GPM6A: variants seen among roughly 807,000 people sequenced by gnomAD.
GPM6A encodes neuronal membrane glycoprotein M6-a.
GPM6A carries 7 observed loss-of-function variants against 32.1 expected under a neutral mutation model. That is an observed-to-expected ratio of 0.22 (90% CI 0.12 to 0.41). The LOEUF (loss-of-function observed/expected upper bound fraction) is 0.41, where lower values mean the gene tolerates loss of function less well. Ranked by LOEUF, GPM6A falls within the 10% of genes least tolerant of loss-of-function variation. GPM6A has a pLI of 1.00. For synonymous variants in GPM6A, 130 were observed against 123.4 expected, an observed-to-expected ratio of 1.05 and a Z score of -0.35; for missense variants, 235 against 347.2, an observed-to-expected ratio of 0.68 and a Z score of 2.57.
intron 1 of GPM6A, among the ~76,000 whole-genome samples, chr4:175,864,801 T>C (rs1736680160): frequency 6.6e-6 from 1 of 152,048 alleles, no homozygotes; most frequent in Non-Finnish European, 1.5e-5. Context: ...TTTTCATTTT[T>C]TTATTTCATT....
chr4:175,994,768 C>T (rs1351907241), intron 1 of GPM6A, among the ~76,000 whole-genome samples: 2 of 152,166 alleles, frequency 1.3e-5, no homozygotes, highest in African/African-American at 2.4e-5. Flanking sequence ...TCAACTGACT[C>T]TTCCTTTCAT....
chr4:175,799,221 C>T (rs973752616), intron 1 of GPM6A, among the ~76,000 whole-genome samples: 11 of 152,200 alleles, frequency 7.2e-5, no homozygotes, highest in African/African-American at 2.7e-4. Flanking sequence ...GAGCTCCAGT[C>T]AGCTGCCTTT....
At chr4:175,952,752 A>G (rs892559974) in intron 1 of GPM6A, among the ~76,000 whole-genome samples, 2 of 152,150 alleles carry the variant, frequency 1.3e-5, no homozygotes, top group African/African-American at 4.8e-5. Flanking sequence ...GCCCAAAGAA[A>G]GCAGAAATCC....
At chr4:175,899,336 G>T (rs1268763254) in intron 1 of GPM6A, among the ~76,000 whole-genome samples, 1 of 152,008 alleles carries the variant, frequency 6.6e-6, no homozygotes, top group Admixed American at 6.6e-5. Context: ...CTTTGAAGAG[G>T]CACTTCACAA....
chr4:175,691,635 T>A (rs776912279), intron 2 of GPM6A, among the ~76,000 whole-genome samples: 13 of 152,216 alleles, frequency 8.5e-5, no homozygotes, highest in Non-Finnish European at 1.6e-4. Flanking sequence ...CTTGAAGATA[T>A]CATGATCGAT....
At position 175,725,242 on chromosome 4, in the gene GPM6A, G is replaced by A. The variant is rs538041067; in HGVS notation, c.38-23475C>T. Among the ~76,000 whole-genome samples the A allele has an allele frequency of 8.6e-5, 13 of 151,460 alleles. No homozygotes were observed. In the South Asian group the frequency reaches 2.7e-3, roughly 32 times the overall value. On this transcript the variant is annotated intron_variant, in intron 1 of 6. Coordinates refer to ENST00000393658, the MANE Select transcript of GPM6A (RefSeq NM_201591.3). ...AACAAATATAAGCTCTTATTATTAG[G>A]CCCAAAAGAATAGAGCTATATTGTC...
intron 1 of GPM6A, among the ~76,000 whole-genome samples, chr4:175,993,142 C>T (rs112013330): frequency 0.031 from 4,621 of 148,614 alleles, 107 homozygotes; most frequent in Middle Eastern, 0.052. Context: ...CTGTTTCCCT[C>T]CCCTCTCTCC....
chr4:175,697,979 T>TCA (rs1281575079), intron 2 of GPM6A, among the ~76,000 whole-genome samples: 1 of 152,184 alleles, frequency 6.6e-6, no homozygotes. Context: ...AACCGAATAG[T>TCA]CACACGTCAT....
intron 1 of GPM6A, chr4:175,788,201 GAC>G (rs1579501275): frequency 1.3e-5 from 2 of 152,118 alleles, no homozygotes; most frequent in African/African-American, 4.8e-5. Context: ...GGAAGAGCAA[GAC>G]AGAGAAGAGA....
chr4:175,667,496 G>A (rs931729576), intron 3 of GPM6A, among the ~76,000 whole-genome samples: 21 of 152,058 alleles, frequency 1.4e-4, no homozygotes, highest in African/African-American at 4.8e-4. Flanking sequence ...TCCCGAATGG[G>A]ATACTGAAAC....
At chr4:175,830,088 G>C (rs1735562382) in intron 1 of GPM6A, among the ~76,000 whole-genome samples, 1 of 152,054 alleles carries the variant, frequency 6.6e-6, no homozygotes, top group Admixed American at 6.6e-5. Flanking sequence ...AGAGAAAGGA[G>C]AGAGAGAGAA....
At position 175,634,632 on chromosome 4, in the gene GPM6A, AT is replaced by A. The variant is rs758016543; in HGVS notation, c.*272del. On this transcript the variant is annotated 3_prime_UTR_variant, in exon 7 of 7. Coordinates refer to ENST00000393658, the MANE Select transcript of GPM6A (RefSeq NM_201591.3). ...AATCTTTGCATTTGACAATGTTAGT[AT>A]CTTTGATTTTACAGAACTAGTAAAT... 3.0e-5 allele frequency: 10 copies of A among 332,940 alleles called. No homozygotes were observed. The highest frequency in any genetic ancestry group is 9.3e-5 in the Admixed American group (2 of 21,404). The allele number at this position is 332,940 out of a possible 1,614,324, so 20.6% of individuals were successfully genotyped here. A position where few individuals can be genotyped will look rare whatever the true frequency, so the allele number is the denominator to read the frequency against.
At chr4:175,989,835 T>G (rs1741083603) in intron 1 of GPM6A, among the ~76,000 whole-genome samples, 1 of 152,206 alleles carries the variant, frequency 6.6e-6, no homozygotes, top group South Asian at 2.1e-4. Context: ...TTCTGTTTAG[T>G]TAAGGAGTGA....
intron 1 of GPM6A, among the ~76,000 whole-genome samples, chr4:175,727,306 C>T (rs1328978867): frequency 5.3e-5 from 8 of 152,080 alleles, no homozygotes; most frequent in Admixed American, 1.3e-4. Flanking sequence ...TCTACTACGG[C>T]GGTTAGTTCA....
intron 1 of GPM6A, among the ~76,000 whole-genome samples, chr4:175,919,271 G>A (rs975139001): frequency 1.3e-5 from 2 of 151,838 alleles, no homozygotes; most frequent in Non-Finnish European, 2.9e-5. Flanking sequence ...GTTTTTTTGA[G>A]GTACTTCTAA....
chr4:175,915,257 A>G (rs1738454155), intron 1 of GPM6A, among the ~76,000 whole-genome samples: 1 of 151,756 alleles, frequency 6.6e-6, no homozygotes, highest in Non-Finnish European at 1.5e-5. Flanking sequence ...TCTATACCAG[A>G]CAGGAGGCTA....
chr4:175,923,841 A>G (rs1017772798), intron 1 of GPM6A, among the ~76,000 whole-genome samples: 6 of 152,198 alleles, frequency 3.9e-5, no homozygotes, highest in South Asian at 2.1e-4. Context: ...GCTGTGAGCC[A>G]TCATGCCCAA....
intron 1 of GPM6A, among the ~76,000 whole-genome samples, chr4:175,911,889 C>G (rs113794454): frequency 6.6e-6 from 1 of 152,058 alleles, no homozygotes; most frequent in African/African-American, 2.4e-5. Context: ...ATAAGCAAAT[C>G]AAGAAGGGCA....
intron 1 of GPM6A, among the ~76,000 whole-genome samples, chr4:175,803,567 T>C (rs1173654923): frequency 2.0e-5 from 3 of 152,116 alleles, no homozygotes; most frequent in Non-Finnish European, 4.4e-5. Context: ...TTTTACCTAG[T>C]CTTTATTACA....
Sources: gnomAD v4.1 joint callset for allele counts (sites outside exome capture counted in the v4.1 genomes callset) on GRCh38, gnomAD v4.1.1 for gene constraint, MANE v1.5 for transcripts, NCBI Gene and HGNC (gene_info 2026-07-23, HGNC 2026-07-21) for gene names.